The following SUMF2 variants were observed in gnomAD, a reference collection of about 807,000 sequenced individuals.
SUMF2 encodes sulfatase modifying factor 2.
In SUMF2, 45 loss-of-function variants were observed where a neutral mutation model predicts 44.8. The ratio of observed to expected loss-of-function variants is 1.00; its 90% confidence interval spans 0.79 to 1.29. The LOEUF is 1.29. SUMF2 is among the 50% of genes most tolerant of loss of function. The pLI is 0.00. For missense variants in SUMF2, 418 were observed against 389.9 expected (o/e 1.07, Z -0.61); for synonymous variants, 148 against 150.4 (o/e 0.98, Z 0.12).
At chr7:56,077,141 G>A (rs1019784063) in intron 6 of SUMF2, among the ~76,000 whole-genome samples, 14 of 150,834 alleles carry the variant, frequency 9.3e-5, no homozygotes, top group Non-Finnish European at 1.9e-4. Flanking sequence ...CCGCCTCCCA[G>A]GTTCAAGCGA....
At position 56,079,684 on chromosome 7, in the gene SUMF2, C is replaced by A; in HGVS notation, c.*72C>A. 1 of 1,613,906 alleles carries A rather than the reference C, an allele frequency of 6.2e-7. No homozygotes were observed. The highest frequency in any genetic ancestry group is 8.5e-7 in the Non-Finnish European group (1 of 1,179,884). ...TTCCCTGGCCATGTTGCAAACAGCG[C>A]AATTCCAAGCTCGAGAGCTTCAGCC... On this transcript the variant is annotated 3_prime_UTR_variant, in exon 9 of 9. Transcript: ENST00000434526.
In SUMF2 at chr7:56,079,682, C is replaced by T. The variant is rs760415764; in HGVS notation, c.*70C>T. The stretch of plus-strand genomic sequence containing the variant: ...CATTCCCTGGCCATGTTGCAAACAG[C>T]GCAATTCCAAGCTCGAGAGCTTCAG... On this transcript the variant is annotated 3_prime_UTR_variant, in exon 9 of 9. Transcript: ENST00000434526. 8 of 1,613,966 alleles carry T rather than the reference C, an allele frequency of 5.0e-6. No individual in the cohort carries two copies. The East Asian group carries it at 6.7e-5, about 13-fold the overall frequency.
At chr7:56,079,223 A>G (rs1325091066) in intron 8 of SUMF2, 2 of 531,302 alleles carry the variant, frequency 3.8e-6, no homozygotes, top group Non-Finnish European at 6.7e-6. Context: ...AGCTGTTGTC[A>G]ACTGCTAACA....
At chr7:56,066,572 G>C (rs4585698) in intron 1 of SUMF2, among the ~76,000 whole-genome samples, 33,462 of 151,720 alleles carry the variant, frequency 0.22, 3,817 homozygotes, top group East Asian at 0.39. Flanking sequence ...CTCAGCTTCC[G>C]GAGTAGTTGG....
intron 1 of SUMF2, 51 bp downstream of exon 1, chr7:56,064,429 C>T (rs3813505): frequency 0.22 from 347,806 of 1,559,572 alleles, 40,213 homozygotes; most frequent in East Asian, 0.38. Context: ...GGATGGGGCG[C>T]TCCGCCCTGA....
intron 2 of SUMF2, among the ~76,000 whole-genome samples, chr7:56,071,910 G>T (rs549646365): frequency 6.6e-6 from 1 of 151,982 alleles, no homozygotes; most frequent in South Asian, 2.1e-4. Flanking sequence ...AGGAGTTTGA[G>T]ACCAGCCTGG....
Position 56,079,997 on chromosome 7 carries a change from A to C in SUMF2, c.*385A>C. On this transcript the variant is annotated 3_prime_UTR_variant, in exon 9 of 9. Coordinates refer to ENST00000434526, the MANE Select transcript of SUMF2 (RefSeq NM_015411.4). ...TTCAGGAAGCTGACATTGTTTCCTC[A>C]AGGCAGAATTTTCCTGGTTCTGTTT... 5.3e-6 allele frequency: 5 copies of C among 949,310 alleles called. No individual in the cohort carries two copies. The highest frequency in any genetic ancestry group is 7.7e-6 in the Non-Finnish European group (5 of 648,168). The allele number at this position is 949,310 out of a possible 1,614,324, so 58.8% of individuals were successfully genotyped here. A position where few individuals can be genotyped will look rare whatever the true frequency, so the allele number is the denominator to read the frequency against.
At position 56,074,173 on chromosome 7, in the gene SUMF2, G is replaced by A. The variant is rs1253461095; in HGVS notation, c.340-1G>A. On this transcript the variant is annotated splice_acceptor_variant, in intron 3 of 8. Transcript: ENST00000434526. LOFTEE classifies it high-confidence loss of function. ...GCAGTCGGTCTCCTTCTTTTTCGCA[G>A]TCTGTACTCTGGTGGCTTCCAGTGG... 6.2e-7 allele frequency: 1 copy of A among 1,614,060 alleles called. No individual in the cohort carries two copies. Among genetic ancestry groups the A allele is most frequent in the Non-Finnish European group, 8.5e-7 (1 of 1,180,030 alleles).
At chr7:56,080,928 A>C (rs1157185802), downstream of SUMF2, 5 of 1,147,976 alleles carry the variant, frequency 4.4e-6, no homozygotes, top group Non-Finnish European at 6.1e-6. Context: ...CCTCAGTTCC[A>C]GGGGTTCCTG....
the SUMF2 span, chr7:56,087,726 T>C: frequency 6.2e-7 from 1 of 1,613,704 alleles, no homozygotes; most frequent in Non-Finnish European, 8.5e-7. Context: ...CACGGCGTAC[T>C]CCTGGCTCGT....
chr7:56,074,704 A>G lies in SUMF2; in HGVS notation c.503A>G (p.Glu168Gly), dbSNP rs750273801. ...GGAAAACGACTGCCCACGGAGGAAG[A>G]GTGGGAGTTTGCCGCCCGAGGGGGC... is the stretch of plus-strand genomic sequence containing the variant. ...WRGKRLPTEE[E>G]WEFAARGGLK... is the part of the protein sequence containing the mutation. Residue 168 changes from glutamate to glycine, a missense_variant, in exon 5 of 9, where the codon GAG (glutamate) becomes GGG (glycine). Coordinates refer to ENST00000434526, the MANE Select transcript of SUMF2 (RefSeq NM_015411.4). The G allele has an allele frequency of 3.1e-6, 5 of 1,614,090 alleles. No individual in the cohort carries two copies. In the South Asian group the frequency reaches 4.4e-5, roughly 14 times the overall value.
intron 5 of SUMF2, 89 bp downstream of exon 5, chr7:56,074,825 C>CGG: frequency 6.5e-7 from 1 of 1,544,026 alleles, no homozygotes; most frequent in Non-Finnish European, 8.8e-7. Context: ...GGGCTGGGCG[C>CGG]AGTGGCTTAT....
intron 8 of SUMF2, chr7:56,079,042 G>A: frequency 3.6e-6 from 2 of 556,206 alleles, no homozygotes; most frequent in South Asian, 2.5e-5. Context: ...GACTACAGGT[G>A]CGGCTAATTT....
downstream of SUMF2, chr7:56,082,189 G>T (rs1477842509): frequency 1.2e-6 from 2 of 1,613,980 alleles, no homozygotes; most frequent in Non-Finnish European, 1.7e-6. Flanking sequence ...CGTAGCCCGG[G>T]TGGTCCTCAT....
the SUMF2 span, among the ~76,000 whole-genome samples, chr7:56,086,390 G>A: frequency 6.6e-6 from 1 of 151,960 alleles, no homozygotes; most frequent in African/African-American, 2.4e-5. Flanking sequence ...TCACTATACT[G>A]TGCCAGGCAC....
At chr7:56,078,284 A>G in intron 7 of SUMF2, 80 bp from the exon 8 acceptor site, 1 of 1,560,996 alleles carries the variant, frequency 6.4e-7, no homozygotes, top group Non-Finnish European at 8.7e-7. Context: ...CCCTTCTGCC[A>G]TTTGGCCCCC....
downstream of SUMF2, among the ~76,000 whole-genome samples, chr7:56,085,477 T>A (rs1796212602): frequency 6.6e-6 from 1 of 152,230 alleles, no homozygotes; most frequent in Non-Finnish European, 1.5e-5. Flanking sequence ...GGGCTCATCT[T>A]ACTAATCCTA....
At chr7:56,076,183 C>T (rs1018225730) in intron 5 of SUMF2, among the ~76,000 whole-genome samples, 2 of 152,068 alleles carry the variant, frequency 1.3e-5, no homozygotes, top group African/African-American at 4.8e-5. Context: ...CCCGCCACCT[C>T]GCCCGGCTAA....
At position 56,064,923 on chromosome 7, in the gene SUMF2, T is replaced by A. The variant is rs948463974; in HGVS notation, c.67+545T>A. 8.8e-5 allele frequency among the ~76,000 whole-genome samples: 10 copies of A among 113,392 alleles called. No individual in the cohort carries two copies. In the Admixed American group the frequency reaches 1.1e-3, roughly 12 times the overall value. 74.4% of individuals were successfully genotyped at this position (113,392 alleles called of 152,430 possible). On this transcript the variant is annotated intron_variant, in intron 1 of 8. Coordinates refer to ENST00000434526, the MANE Select transcript of SUMF2 (RefSeq NM_015411.4). ...AAAAAAAAAAAAAGGCCGGACGCGG[T>A]GGCTCACGCCTGTAATCCCAGCACT...
Sources: allele counts gnomAD v4.1 joint callset (sites outside exome capture counted in the v4.1 genomes callset), GRCh38; gene constraint gnomAD v4.1.1; transcripts MANE v1.5; gene names NCBI Gene and HGNC (gene_info 2026-07-23, HGNC 2026-07-21).